Variants in ZNF148 observed in about 807,000 individuals in gnomAD.
The protein encoded by ZNF148 is Beta-Enolase Repressor Factor-1.
In ZNF148, 7 loss-of-function variants were observed where a neutral mutation model predicts 67.7. The ratio of observed to expected loss-of-function variants is 0.10; its 90% CI spans 0.06 to 0.19. The LOEUF (loss-of-function observed/expected upper bound fraction) is 0.19, where lower values mean the gene tolerates loss of function less well. Among genes scored for constraint, ZNF148 ranks in the 10% least tolerant of loss-of-function variants. ZNF148 has a pLI of 1.00. For missense variants in ZNF148, 583 were observed against 947.1 expected, an observed-to-expected ratio of 0.62 and a Z score of 5.05; for synonymous variants, 333 against 330.7, an observed-to-expected ratio of 1.01 and a Z score of -0.08.
intron 7 of ZNF148, among the ~76,000 whole-genome samples, chr3:125,260,051 A>G (rs1270658351): frequency 6.6e-6 from 1 of 152,210 alleles, no homozygotes; most frequent in Non-Finnish European, 1.5e-5. Context: ...TTGGTGGAGC[A>G]GTTGGAACAC....
At chr3:125,306,893 CA>C (rs1939907659) in intron 4 of ZNF148, among the ~76,000 whole-genome samples, 1 of 151,952 alleles carries the variant, frequency 6.6e-6, no homozygotes, top group Non-Finnish European at 1.5e-5. Flanking sequence ...ACCCTTCCCA[CA>C]AAGAAAACTC....
intron 7 of ZNF148, among the ~76,000 whole-genome samples, chr3:125,266,402 G>C (rs1027972850): frequency 6.6e-6 from 1 of 151,994 alleles, no homozygotes; most frequent in Admixed American, 6.6e-5. Flanking sequence ...ATAAAAATAG[G>C]TATCAATACC....
At chr3:125,345,128 G>A (rs1941891179) in intron 1 of ZNF148, among the ~76,000 whole-genome samples, 1 of 151,994 alleles carries the variant, frequency 6.6e-6, no homozygotes, top group East Asian at 1.9e-4. Flanking sequence ...TTTTTCTTAA[G>A]TACCCATGGA....
intron 7 of ZNF148, among the ~76,000 whole-genome samples, chr3:125,240,371 C>A (rs1181337121): frequency 2.6e-5 from 4 of 152,144 alleles, no homozygotes. Flanking sequence ...CATACACAAA[C>A]TGGAGAAAAC....
chr3:125,366,860 C>G (rs943172936), intron 1 of ZNF148, among the ~76,000 whole-genome samples: 23 of 152,130 alleles, frequency 1.5e-4, no homozygotes, highest in African/African-American at 5.6e-4. Flanking sequence ...AAAATCTTAT[C>G]AATCCCTTCA....
intron 7 of ZNF148, among the ~76,000 whole-genome samples, chr3:125,243,166 C>T (rs897163519): frequency 1.3e-5 from 2 of 152,154 alleles, no homozygotes; most frequent in Admixed American, 6.5e-5. Context: ...TTGTATCCTC[C>T]GTAGTGCTTT....
At chr3:125,305,133 C>T (rs1015742572) in intron 4 of ZNF148, among the ~76,000 whole-genome samples, 1 of 152,108 alleles carries the variant, frequency 6.6e-6, no homozygotes, top group Non-Finnish European at 1.5e-5. Flanking sequence ...GCAGCAAAGC[C>T]TGGAAGGTAT....
At position 125,284,894 on chromosome 3, in the gene ZNF148, C is replaced by T. The variant is rs1460000317; in HGVS notation, c.459+3209G>A. ...CCTACCTTAAGATGATCAGGCTTTC[C>T]CATTGCATTTAAGTTTTCCAAAAAA... On this transcript the variant is annotated intron_variant, in intron 5 of 8. Transcript: ENST00000360647. Among the ~76,000 whole-genome samples the T allele has an allele frequency of 7.9e-5, 11 of 139,234 alleles. No homozygotes were observed. In the Admixed American group the frequency reaches 8.1e-4, roughly 10 times the overall value. The allele number at this position is 139,234 out of a possible 152,430, so 91.3% of individuals were successfully genotyped here.
intron 7 of ZNF148, among the ~76,000 whole-genome samples, chr3:125,248,150 A>G (rs1481753484): frequency 6.6e-6 from 1 of 152,238 alleles, no homozygotes; most frequent in Non-Finnish European, 1.5e-5. Flanking sequence ...CGTATGTAAA[A>G]TTAGTAAAAT....
At chr3:125,250,558 T>TA (rs1379972964) in intron 7 of ZNF148, among the ~76,000 whole-genome samples, 5 of 152,180 alleles carry the variant, frequency 3.3e-5, no homozygotes, top group East Asian at 3.9e-4. Flanking sequence ...TTTCTATAGT[T>TA]AAAAAAAATG....
intron 7 of ZNF148, among the ~76,000 whole-genome samples, chr3:125,269,196 G>A (rs71325826): frequency 0.037 from 4,732 of 126,252 alleles, 132 homozygotes; most frequent in Middle Eastern, 0.089. Context: ...GGTGAAGCCC[G>A]GTCTCTACCA....
chr3:125,366,663 G>C (rs1001146162), intron 1 of ZNF148, among the ~76,000 whole-genome samples: 1 of 152,032 alleles, frequency 6.6e-6, no homozygotes, highest in South Asian at 2.1e-4. Flanking sequence ...GCATATATTA[G>C]ATAGAAGTGT....
chr3:125,239,188 A>T (rs1333857154), intron 7 of ZNF148, among the ~76,000 whole-genome samples: 6 of 152,202 alleles, frequency 3.9e-5, no homozygotes, highest in African/African-American at 1.4e-4. Context: ...ATGTCACTGA[A>T]TTGCACACTT....
At position 125,300,041 on chromosome 3, in the gene ZNF148, G is replaced by A. The variant is rs185063173; in HGVS notation, c.334-11813C>T. 2.9e-3 allele frequency among the ~76,000 whole-genome samples: 439 copies of A among 152,220 alleles called. 4 individuals are homozygous for A. The highest frequency in any genetic ancestry group is 0.023 in the Admixed American group (355 of 15,296). On this transcript the variant is annotated intron_variant, in intron 4 of 8. Transcript: ENST00000360647. ...AGCTGGAGGGCAGTGGTGCCATCTC[G>A]GCTCACTGCAACCTCCACCTCCCAG...
At chr3:125,296,963 A>C (rs1003340320) in intron 4 of ZNF148, among the ~76,000 whole-genome samples, 2 of 152,044 alleles carry the variant, frequency 1.3e-5, no homozygotes, top group African/African-American at 4.8e-5. Flanking sequence ...AGAAAAAAAA[A>C]CAAAAAAAGA....
intron 4 of ZNF148, among the ~76,000 whole-genome samples, chr3:125,300,391 CAAAT>C (rs1431150610): frequency 1.3e-5 from 2 of 152,124 alleles, no homozygotes; most frequent in Admixed American, 1.3e-4. Flanking sequence ...CTGAATCCCT[CAAAT>C]AAACTTTAAA....
intron 7 of ZNF148, among the ~76,000 whole-genome samples, chr3:125,234,586 G>A (rs1331155094): frequency 1.3e-5 from 2 of 152,166 alleles, no homozygotes; most frequent in African/African-American, 2.4e-5. Context: ...GAGAACAGCA[G>A]TGCCAGGAAT....
At chr3:125,327,043 C>T (rs763168382) in intron 2 of ZNF148, among the ~76,000 whole-genome samples, 1 of 151,546 alleles carries the variant, frequency 6.6e-6, no homozygotes, top group Non-Finnish European at 1.5e-5. Flanking sequence ...ACATTCAAAA[C>T]TGAAAGTAAA....
chr3:125,320,016 T>C (rs1050897402), intron 3 of ZNF148, among the ~76,000 whole-genome samples: 24 of 152,208 alleles, frequency 1.6e-4, no homozygotes, highest in African/African-American at 5.5e-4. Context: ...GGGAGAACTT[T>C]CCGACACAGA....
Sources: gnomAD v4.1 joint callset for allele counts (sites outside exome capture counted in the v4.1 genomes callset) on GRCh38, gnomAD v4.1.1 for gene constraint, MANE v1.5 for transcripts, NCBI Gene and HGNC (gene_info 2026-07-23, HGNC 2026-07-21) for gene names.